Variants in MTCL1 observed in about 807,000 individuals in gnomAD.
MTCL1 encodes the protein microtubule crosslinking factor 1.
MTCL1 carries 79 observed loss-of-function variants against 141.4 expected under a neutral mutation model. The ratio of observed to expected loss-of-function variants is 0.56; its 90% CI spans 0.47 to 0.67. MTCL1 has a LOEUF of 0.67. Ranked by LOEUF, MTCL1 falls within the 30% of genes least tolerant of loss-of-function variation. The probability of loss-of-function intolerance (pLI) is 0.00; values close to 1 mark genes in which losing one functional copy is unlikely to be tolerated. For missense variants in MTCL1, 2,177 were observed against 2,113.9 expected, an observed-to-expected ratio of 1.03 and a Z score of -0.59; for synonymous variants, 914 against 875.8, an observed-to-expected ratio of 1.04 and a Z score of -0.77.
chr18:8,720,591 G>A, intron 4 of MTCL1, 95 bp downstream of exon 3: 2 of 1,307,406 alleles, frequency 1.5e-6, no homozygotes, highest in Non-Finnish European at 2.1e-6. Flanking sequence ...CGAAAGCTGG[G>A]GTTGGCAAAT....
At chr18:8,762,877 C>T (rs539300525) in intron 4 of MTCL1, among the ~76,000 whole-genome samples, 52 of 152,244 alleles carry the variant, frequency 3.4e-4, no homozygotes, top group African/African-American at 1.2e-3. Flanking sequence ...GTGTGGTGCC[C>T]GGCTCAGGCT....
At chr18:8,815,613 T>C (rs558482563) in intron 12 of MTCL1, among the ~76,000 whole-genome samples, 1 of 138,572 alleles carries the variant, frequency 7.2e-6, no homozygotes, top group South Asian at 2.3e-4. Context: ...AAACTTAAAG[T>C]ATAATAATAA....
chr18:8,821,911 G>A (rs2076857870), intron 14 of MTCL1, among the ~76,000 whole-genome samples: 1 of 151,612 alleles, frequency 6.6e-6, no homozygotes, highest in South Asian at 2.1e-4. Context: ...AATATTTTCT[G>A]GCAGTAGTCC....
intron 4 of MTCL1, among the ~76,000 whole-genome samples, chr18:8,732,452 C>G (rs2148872880): frequency 6.6e-6 from 1 of 152,064 alleles, no homozygotes; most frequent in South Asian, 2.1e-4. Flanking sequence ...AATCAAGAGT[C>G]AGAGAAATAG....
At chr18:8,784,722 G>T in exon 6 of MTCL1, 1 of 1,614,192 alleles carries the variant, frequency 6.2e-7, no homozygotes, top group Non-Finnish European at 8.5e-7. Context: ...AACCGCATTG[G>T]GGATGGCCTA....
chr18:8,726,885 C>T (rs1387859521), intron 4 of MTCL1, among the ~76,000 whole-genome samples: 2 of 152,160 alleles, frequency 1.3e-5, no homozygotes, highest in African/African-American at 2.4e-5. Flanking sequence ...GCTTCTAGTG[C>T]ACCCACCACC....
At chr18:8,736,487 T>C (rs924808980) in intron 4 of MTCL1, among the ~76,000 whole-genome samples, 3 of 152,160 alleles carry the variant, frequency 2.0e-5, no homozygotes, top group Admixed American at 1.3e-4. Context: ...TATAATAAAG[T>C]GTTGAGTGTC....
chr18:8,819,966 A>C (rs532396129), intron 13 of MTCL1, among the ~76,000 whole-genome samples: 18 of 152,222 alleles, frequency 1.2e-4, no homozygotes, highest in African/African-American at 4.1e-4. Flanking sequence ...CTAATAACCA[A>C]AAATATTCTG....
chr18:8,757,530 G>GGGA (rs1276589478), intron 4 of MTCL1, among the ~76,000 whole-genome samples: 1 of 152,190 alleles, frequency 6.6e-6, no homozygotes, highest in Non-Finnish European at 1.5e-5. Flanking sequence ...CTGGGGAGCC[G>GGGA]GGAGACCTGT....
intron 4 of MTCL1, among the ~76,000 whole-genome samples, chr18:8,761,047 G>A (rs1302560595): frequency 6.6e-6 from 1 of 152,136 alleles, no homozygotes; most frequent in Non-Finnish European, 1.5e-5. Flanking sequence ...GAAAAAACTT[G>A]CTAAAGCTTT....
intron 4 of MTCL1, among the ~76,000 whole-genome samples, chr18:8,773,471 C>T (rs759497689): frequency 2.6e-5 from 4 of 152,128 alleles, no homozygotes; most frequent in Admixed American, 6.6e-5. Context: ...TTTTGTCTGT[C>T]ACGTGTTAGA....
At chr18:8,785,383 G>A (rs896718858) in intron 6 of MTCL1, among the ~76,000 whole-genome samples, 5 of 152,218 alleles carry the variant, frequency 3.3e-5, no homozygotes, top group African/African-American at 1.2e-4. Context: ...AGCGGGCGAG[G>A]AGCACGGTGC....
rs538809379 is a variant in MTCL1, at chr18:8,768,111, CAGAT to C, written c.358-9719_358-9716del. On this transcript the variant is annotated intron_variant, in intron 4 of 16. Coordinates refer to ENST00000359865, the Ensembl canonical transcript of MTCL1. ...ACATTTTATTTTGAAAATTTTCAAA[CAGAT>C]AGCAAAAAGAGTTCTGTAGTGAAAA... Among the ~76,000 whole-genome samples the C allele has an allele frequency of 2.5e-3, 377 of 152,224 alleles. 3 individuals are homozygous for C. The highest frequency in any genetic ancestry group is 0.024 in the Middle Eastern group (7 of 294).
chr18:8,814,044 A>G (rs371928363), intron 12 of MTCL1, among the ~76,000 whole-genome samples: 1 of 152,248 alleles, frequency 6.6e-6, no homozygotes, highest in South Asian at 2.1e-4. Flanking sequence ...AAGGAAATGT[A>G]TTAATCAGTA....
At chr18:8,820,327 G>A (rs189365383) in intron 13 of MTCL1, among the ~76,000 whole-genome samples, 5 of 152,018 alleles carry the variant, frequency 3.3e-5, no homozygotes, top group South Asian at 2.1e-4. Context: ...GGAGAATGGC[G>A]TGAACCCAGG....
intron 5 of MTCL1, among the ~76,000 whole-genome samples, chr18:8,778,755 A>G (rs927831340): frequency 1.3e-5 from 2 of 152,256 alleles, no homozygotes; most frequent in East Asian, 1.9e-4. Context: ...TAACAGGGAA[A>G]TTAAAGTCTG....
At chr18:8,778,751 G>A (rs2096522122) in intron 5 of MTCL1, among the ~76,000 whole-genome samples, 2 of 152,212 alleles carry the variant, frequency 1.3e-5, no homozygotes, top group Non-Finnish European at 2.9e-5. Context: ...TTAATAACAG[G>A]GAAATTAAAG....
At chr18:8,798,148 G>T in exon 10 of MTCL1, 6 of 1,595,220 alleles carry the variant, frequency 3.8e-6, no homozygotes, top group Non-Finnish European at 5.1e-6. Context: ...AGTCCAGGGG[G>T]GTCACCAGGC....
At chr18:8,800,589 T>TGAATGC (rs1489810325) in intron 10 of MTCL1, 1 of 152,256 alleles carries the variant, frequency 6.6e-6, no homozygotes, top group African/African-American at 2.4e-5. Context: ...AGAGCCACAG[T>TGAATGC]GAATGCTTTC....
Sources: gnomAD v4.1 joint callset for allele counts (sites outside exome capture counted in the v4.1 genomes callset) on GRCh38, gnomAD v4.1.1 for gene constraint, MANE v1.5 for transcripts, NCBI Gene and HGNC (gene_info 2026-07-23, HGNC 2026-07-21) for gene names.